CDH12: variants seen among roughly 807,000 people sequenced by gnomAD.
CDH12 encodes cadherin 12.
A neutral mutation model predicts 74.1 loss-of-function variants in CDH12; 41 were observed. The ratio of observed to expected loss-of-function variants is 0.55; its 90% CI spans 0.43 to 0.72. The LOEUF is 0.72. CDH12 is among the 30% of genes least tolerant of loss of function. CDH12 has a pLI of 0.00. For synonymous variants in CDH12, 399 were observed against 355.0 expected, an observed-to-expected ratio of 1.12 and a Z score of -1.39; for missense variants, 945 against 977.2, an observed-to-expected ratio of 0.97 and a Z score of 0.44.
In CDH12 at chr5:21,752,147, GGATGACGTTGTCTCT is replaced by G. The variant is rs758503191; in HGVS notation, c.1960_1974del (p.Arg654_Ile658del). ...TCCCCACCTCCTTCATCATCGTAAT[GGATGACGTTGTCTCT>G]GATGTCTTCTTTAGAGGTCATCAGG... is the stretch of plus-strand genomic sequence containing the variant. On this transcript the variant is annotated inframe_deletion, in exon 15 of 15. Transcript: ENST00000382254. 1 of 1,614,006 alleles carries G rather than the reference GGATGACGTTGTCTCT, an allele frequency of 6.2e-7. No homozygotes were observed. Among genetic ancestry groups the G allele is most frequent in the East Asian group, 2.2e-5 (1 of 44,868 alleles).
chr5:22,280,189 C>T (rs1736814909), intron 3 of CDH12, among the ~76,000 whole-genome samples: 1 of 152,124 alleles, frequency 6.6e-6, no homozygotes, highest in Non-Finnish European at 1.5e-5. Flanking sequence ...TCAGAAGTGT[C>T]TATTCATATC....
At chr5:22,244,451 C>T (rs770924479) in intron 3 of CDH12, among the ~76,000 whole-genome samples, 30 of 119,634 alleles carry the variant, frequency 2.5e-4, no homozygotes, top group East Asian at 2.7e-4. Context: ...GCCAGGATTG[C>T]ACCACTTCAC....
intron 5 of CDH12, among the ~76,000 whole-genome samples, chr5:22,062,852 A>G (rs2150207806): frequency 6.6e-6 from 1 of 152,284 alleles, no homozygotes; most frequent in South Asian, 2.1e-4. Flanking sequence ...CTGAGTTGGT[A>G]TTATGAGCCT....
At chr5:22,476,587 G>A (rs1189284655) in intron 2 of CDH12, among the ~76,000 whole-genome samples, 3 of 151,902 alleles carry the variant, frequency 2.0e-5, no homozygotes. Flanking sequence ...TGACTACATA[G>A]TATTGTCGTA....
intron 1 of CDH12, among the ~76,000 whole-genome samples, chr5:22,770,292 G>A (rs573572264): frequency 6.6e-6 from 1 of 152,074 alleles, no homozygotes; most frequent in African/African-American, 2.4e-5. Flanking sequence ...AAAGCAAACA[G>A]GATTGGCATA....
intron 3 of CDH12, among the ~76,000 whole-genome samples, chr5:22,292,049 C>T (rs1737409286): frequency 6.6e-6 from 1 of 152,090 alleles, no homozygotes; most frequent in Non-Finnish European, 1.5e-5. Flanking sequence ...AGAAATAAGT[C>T]CATGCATTTA....
intron 6 of CDH12, among the ~76,000 whole-genome samples, chr5:21,859,114 C>A (rs1307221531): frequency 6.6e-6 from 1 of 151,936 alleles, no homozygotes; most frequent in Non-Finnish European, 1.5e-5. Context: ...ATACTTCGAG[C>A]AACATCTCCC....
intron 6 of CDH12, among the ~76,000 whole-genome samples, chr5:21,921,172 A>C (rs1171421289): frequency 2.6e-5 from 4 of 152,210 alleles, no homozygotes; most frequent in Non-Finnish European, 4.4e-5. Flanking sequence ...AATAAAAAAG[A>C]CACAAGTCAT....
At chr5:22,625,478 G>A (rs889418690) in intron 1 of CDH12, among the ~76,000 whole-genome samples, 1 of 152,168 alleles carries the variant, frequency 6.6e-6, no homozygotes, top group Non-Finnish European at 1.5e-5. Flanking sequence ...AAGGTGGCAG[G>A]GGAAGGATGC....
rs150978109 is a variant in CDH12, at chr5:21,783,994, T to C, written c.1257-500A>G. Among the ~76,000 whole-genome samples, 457 of 152,284 alleles carry C rather than the reference T, an allele frequency of 3.0e-3. 4 individuals are homozygous for C. Among genetic ancestry groups the C allele is most frequent in the Non-Finnish European group, 3.4e-3 (234 of 68,014 alleles). On this transcript the variant is annotated intron_variant, in intron 10 of 14. Transcript: ENST00000382254. ...TGACAATTTGGTAATTATACAAAAA[T>C]ATTTCCTCAAACACATATAAAACGG...
intron 10 of CDH12, among the ~76,000 whole-genome samples, chr5:21,791,466 A>G (rs1327853477): frequency 6.6e-6 from 1 of 151,988 alleles, no homozygotes; most frequent in African/African-American, 2.4e-5. Context: ...ATATTATTGG[A>G]ATTGCAACTA....
intron 3 of CDH12, among the ~76,000 whole-genome samples, chr5:22,384,465 G>A (rs1271699134): frequency 1.4e-5 from 2 of 138,708 alleles, no homozygotes; most frequent in Non-Finnish European, 3.0e-5. Flanking sequence ...GGCGGAGCTT[G>A]CAGTGAGCCG....
At chr5:21,868,216 G>C (rs1395363047) in intron 6 of CDH12, among the ~76,000 whole-genome samples, 1 of 147,272 alleles carries the variant, frequency 6.8e-6, no homozygotes, top group Non-Finnish European at 1.5e-5. Context: ...ATGATTGTGA[G>C]GCCTCCCCAG....
At chr5:21,958,029 G>T (rs1756178732) in intron 6 of CDH12, among the ~76,000 whole-genome samples, 1 of 151,810 alleles carries the variant, frequency 6.6e-6, no homozygotes. Flanking sequence ...TTGAATCTGG[G>T]GGTGGTTTCA....
intron 6 of CDH12, among the ~76,000 whole-genome samples, chr5:21,929,465 G>T (rs2150079475): frequency 6.6e-6 from 1 of 151,800 alleles, no homozygotes. Context: ...CCACAATAGG[G>T]TTCATGCTTC....
intron 3 of CDH12, among the ~76,000 whole-genome samples, chr5:22,316,753 G>A (rs573104717): frequency 2.0e-5 from 3 of 151,992 alleles, no homozygotes; most frequent in African/African-American, 4.8e-5. Context: ...TCATCATCTC[G>A]ATATGTAAAA....
intron 2 of CDH12, among the ~76,000 whole-genome samples, chr5:22,449,176 A>G (rs1744947635): frequency 6.6e-6 from 1 of 152,068 alleles, no homozygotes; most frequent in Non-Finnish European, 1.5e-5. Context: ...AATCCAACAT[A>G]AGGCTTGATA....
chr5:21,893,987 G>A (rs1373434609), intron 6 of CDH12, among the ~76,000 whole-genome samples: 1 of 152,102 alleles, frequency 6.6e-6, no homozygotes, highest in Non-Finnish European at 1.5e-5. Context: ...AGTATTTAAC[G>A]CCTGCAAGAG....
At chr5:21,838,696 C>G (rs1288695650) in intron 8 of CDH12, among the ~76,000 whole-genome samples, 5 of 152,174 alleles carry the variant, frequency 3.3e-5, no homozygotes, top group African/African-American at 9.7e-5. Context: ...CTACTTTATT[C>G]AGATACTCTT....
Sources: allele counts gnomAD v4.1 joint callset (sites outside exome capture counted in the v4.1 genomes callset), GRCh38; gene constraint gnomAD v4.1.1; transcripts MANE v1.5; gene names NCBI Gene and HGNC (gene_info 2026-07-23, HGNC 2026-07-21).